The following DIP2A variants were observed in gnomAD, a reference collection of about 807,000 sequenced individuals.
DIP2A encodes disco-interacting protein 2 homolog A.
DIP2A carries 85 observed loss-of-function variants against 177.4 expected under a neutral mutation model. The ratio of observed to expected loss-of-function variants is 0.48; its 90% CI spans 0.40 to 0.57. The LOEUF (loss-of-function observed/expected upper bound fraction) is 0.57. Among genes scored for constraint, DIP2A ranks in the 20% least tolerant of loss-of-function variants. DIP2A has a pLI of 0.00. For synonymous variants in DIP2A, 886 were observed against 881.8 expected (o/e 1.00, Z -0.08); for missense variants, 1,791 against 2,100.2 (o/e 0.85, Z 2.88).
At position 46,498,998 on chromosome 21, in the gene DIP2A, T is replaced by C. The variant is rs2057510926; in HGVS notation, c.655+165T>C. ...GAGGTCACACAACCCAGATAACCCATACTGGCTTATCTGCCTGAGACATTA... is the reference window on the plus strand; with the variant it reads ...GAGGTCACACAACCCAGATAACCCACACTGGCTTATCTGCCTGAGACATTA... On this transcript the variant is annotated intron_variant, in intron 5 of 37. Transcript: ENST00000417564. The surrounding 1 kb of genome is among the most constrained non-coding windows in gnomAD (Gnocchi z 4.3). Among the ~76,000 whole-genome samples the C allele has an allele frequency of 6.6e-6, 1 of 152,150 alleles. No homozygotes were observed. Among genetic ancestry groups the C allele is most frequent in the Admixed American group, 6.5e-5 (1 of 15,280 alleles).
rs1329323771 is a variant in DIP2A at position 46,550,764 on chromosome 21, A to G, written c.2839+20A>G. 6.2e-7 allele frequency: 1 copy of G among 1,612,498 alleles called. No individual in the cohort carries two copies. On this transcript the variant is annotated intron_variant, in intron 23 of 37. Coordinates refer to ENST00000417564, the MANE Select transcript of DIP2A (RefSeq NM_015151.4). ...AACCAGGTTAGTTGAACCTAACAAC[A>G]GGATGCTCTCTAGTCTAACAGTGGT... is the stretch of plus-strand genomic sequence containing the variant.
rs533849408 is a variant in DIP2A, at chr21:46,565,570, A to G, written c.4165-143A>G. 111 of 852,040 alleles carry G rather than the reference A, an allele frequency of 1.3e-4. 1 individual carries two copies. The Admixed American group carries it at 1.6e-3, about 12-fold the overall frequency. The allele number at this position is 852,040 out of a possible 1,614,324, so 52.8% of individuals were successfully genotyped here. On this transcript the variant is annotated intron_variant, in intron 35 of 37. Transcript: ENST00000417564. ...GTGCCTGTAATTTAACTTAGTTCAT[A>G]AAATAAGAGACAATGAATATTATCC...
At chr21:46,506,810 T>TC (rs1389590707) in intron 6 of DIP2A, among the ~76,000 whole-genome samples, 1 of 146,750 alleles carries the variant, frequency 6.8e-6, no homozygotes, top group Non-Finnish European at 1.5e-5. Context: ...TTCTCTTTTT[T>TC]TTTTTTTTTT....
In DIP2A at chr21:46,511,461, A is replaced by G. The variant is rs1051473860; in HGVS notation, c.949A>G (p.Thr317Ala). 2.5e-6 allele frequency: 4 copies of G among 1,612,918 alleles called. No homozygotes were observed. In the East Asian group the frequency reaches 8.9e-5, roughly 36 times the overall value. Residue 317 changes from threonine to alanine, a missense_variant, in exon 8 of 38, where the codon ACG becomes GCG. Thr to Ala is a moderately conservative substitution (Grantham distance 58). Coordinates refer to ENST00000417564, the MANE Select transcript of DIP2A (RefSeq NM_015151.4). ...PNQPKPEGSETSVLRGEPLTA... is the reference protein window; with the variant it reads ...PNQPKPEGSEASVLRGEPLTA... ...TCAGCCAAAGCCTGAGGGAAGCGAG[A>G]CGAGTGTGCTGAGAGGGGAGCCTCT...
intron 34 of DIP2A, among the ~76,000 whole-genome samples, chr21:46,562,593 G>A (rs1003753924): frequency 6.6e-6 from 1 of 152,152 alleles, no homozygotes; most frequent in East Asian, 1.9e-4. Context: ...GGGTGAGACT[G>A]CGGACAGAAG....
intron 18 of DIP2A, among the ~76,000 whole-genome samples, chr21:46,544,296 G>A (rs918525834): frequency 7.2e-5 from 11 of 152,104 alleles, no homozygotes; most frequent in African/African-American, 2.4e-4. Flanking sequence ...ATGAAAAGGC[G>A]CACATGTACA....
intron 9 of DIP2A, among the ~76,000 whole-genome samples, chr21:46,530,429 AAAGT>A (rs1452821417): frequency 6.6e-6 from 1 of 152,334 alleles, no homozygotes; most frequent in East Asian, 1.9e-4. Flanking sequence ...AGAGACAAGA[AAAGT>A]AAGGAAGGGA....
At chr21:46,581,163 A>G in the DIP2A span, among the ~76,000 whole-genome samples, 1,142 of 151,990 alleles carry the variant, frequency 7.5e-3, 13 homozygotes, top group African/African-American at 0.026. Context: ...TTTTTCTTTA[A>G]TCTTGTCTGC....
intron 8 of DIP2A, among the ~76,000 whole-genome samples, chr21:46,524,872 CTTTTTTTTTTTTTTT>C (rs3061062): frequency 0.015 from 981 of 63,464 alleles, 14 homozygotes; most frequent in Non-Finnish European, 0.021. Context: ...TTGCTTTTTG[CTTTTTTTTTTTTTTT>C]TTTTTTTTTT....
Position 46,565,779 on chromosome 21 carries a change from G to T in DIP2A, c.4231G>T (p.Ala1411Ser). 1 of 1,614,000 alleles carries T rather than the reference G, an allele frequency of 6.2e-7. No homozygotes were observed. Among genetic ancestry groups the T allele is most frequent in the Non-Finnish European group, 8.5e-7 (1 of 1,179,892 alleles). ...YTVYGEEALH[A>S]DHFSARLSFG... ...CGTTTACGGGGAGGAGGCGCTTCAT[G>T]CCGACCACTTCAGTGCCCGGCTGAG... The change falls in exon 36 of 38, where the codon GCC (alanine) becomes TCC (serine). Residue 1411 changes from alanine (A) to serine (S), a missense_variant. Ala to Ser is a moderately conservative substitution (Grantham distance 99, BLOSUM62 1). Coordinates refer to ENST00000417564, the MANE Select transcript of DIP2A (RefSeq NM_015151.4).
the DIP2A span, among the ~76,000 whole-genome samples, chr21:46,581,088 T>G: frequency 6.6e-6 from 1 of 152,204 alleles, no homozygotes; most frequent in African/African-American, 2.4e-5. Context: ...CCCAATCAGT[T>G]GTAGGTTCAG....
intron 1 of DIP2A, among the ~76,000 whole-genome samples, chr21:46,478,284 C>T (rs1317684737): frequency 1.3e-5 from 2 of 152,002 alleles, no homozygotes; most frequent in Non-Finnish European, 2.9e-5. Flanking sequence ...GCGATCCCGG[C>T]TCACAGCAAC....
intron 2 of DIP2A, among the ~76,000 whole-genome samples, chr21:46,488,961 A>G (rs549850619): frequency 6.6e-6 from 1 of 152,208 alleles, no homozygotes; most frequent in African/African-American, 2.4e-5. Flanking sequence ...TATCATCCAT[A>G]AGGTGTAAGA....
At chr21:46,571,880 A>G (rs577829488), downstream of DIP2A, among the ~76,000 whole-genome samples, 238 of 152,318 alleles carry the variant, frequency 1.6e-3, 1 homozygote, top group Middle Eastern at 6.8e-3. Context: ...TCCTATTTGA[A>G]TATGCTTTCT....
rs2059629768 is a variant in DIP2A, at chr21:46,537,649, G to A, written c.1801+110G>A. 9.5e-7 allele frequency: 1 copy of A among 1,051,454 alleles called. No individual in the cohort carries two copies. The highest frequency in any genetic ancestry group is 1.4e-6 in the Non-Finnish European group (1 of 703,050). 65.1% of individuals were successfully genotyped at this position (1,051,454 alleles called of 1,614,324 possible). ...CTGACATGTGGAACTGCAGATGTAG[G>A]CTGAAGAGCTGTGGGACGTCTTTCT... On this transcript the variant is annotated intron_variant, in intron 15 of 37. Coordinates refer to ENST00000417564, the MANE Select transcript of DIP2A (RefSeq NM_015151.4). This position sits in a 1 kb window ranked among gnomAD's most constrained non-coding sequence, Gnocchi z 4.1.
chr21:46,479,768 A>T (rs989381031), intron 1 of DIP2A, among the ~76,000 whole-genome samples: 1 of 152,158 alleles, frequency 6.6e-6, no homozygotes, highest in Non-Finnish European at 1.5e-5. Flanking sequence ...CTTGGGCTCA[A>T]GCAGTCCTCC....
intron 8 of DIP2A, among the ~76,000 whole-genome samples, chr21:46,520,841 A>T (rs1264847015): frequency 6.6e-6 from 1 of 152,234 alleles, no homozygotes; most frequent in African/African-American, 2.4e-5. Flanking sequence ...CATATCTGAC[A>T]GTGCTTGCTG....
chr21:46,493,347 A>G (rs533897320), intron 3 of DIP2A, among the ~76,000 whole-genome samples: 1 of 129,436 alleles, frequency 7.7e-6, no homozygotes, highest in South Asian at 2.5e-4. Flanking sequence ...TAAGACAGCA[A>G]TAATGTTTAG....
At chr21:46,496,916 A>G in intron 3 of DIP2A, 72 bp from the exon 4 acceptor site, 12 of 1,452,982 alleles carry the variant, frequency 8.3e-6, no homozygotes, top group Non-Finnish European at 1.0e-5. Flanking sequence ...ACAAACAAAA[A>G]CATGAAACTT....
Sources: gnomAD v4.1 joint callset for allele counts (sites outside exome capture counted in the v4.1 genomes callset) on GRCh38, gnomAD v4.1.1 for gene constraint, Gnocchi (gnomAD v3.1) non-coding constraint, MANE v1.5 for transcripts, NCBI Gene and HGNC (gene_info 2026-07-23, HGNC 2026-07-21) for gene names.